Variants in CNTNAP2 observed in about 807,000 individuals in gnomAD.
CNTNAP2 encodes contactin-associated protein-like 2.
In CNTNAP2, 98 loss-of-function variants were observed where a neutral mutation model predicts 155.2. The ratio of observed to expected loss-of-function variants is 0.63; its 90% CI spans 0.54 to 0.75. The LOEUF (loss-of-function observed/expected upper bound fraction) is 0.75, where lower values mean the gene tolerates loss of function less well. CNTNAP2 is among the 30% of genes least tolerant of loss of function. The pLI, the probability that CNTNAP2 is intolerant of heterozygous loss-of-function variation, is 0.00. For missense variants in CNTNAP2, 1,727 were observed against 1,688.1 expected (o/e 1.02, Z -0.40); for synonymous variants, 651 against 631.2 (o/e 1.03, Z -0.47).
At chr7:148,175,181 A>T (rs1206527762) in intron 18 of CNTNAP2, among the ~76,000 whole-genome samples, 1 of 152,142 alleles carries the variant, frequency 6.6e-6, no homozygotes, top group Non-Finnish European at 1.5e-5. Flanking sequence ...GATGGTTCTA[A>T]GTCTTTGCTG....
At chr7:148,103,726 A>T (rs1804151171) in intron 15 of CNTNAP2, among the ~76,000 whole-genome samples, 1 of 152,202 alleles carries the variant, frequency 6.6e-6, no homozygotes. Flanking sequence ...AAATCAGAGC[A>T]TTCATTTCCG....
intron 13 of CNTNAP2, among the ~76,000 whole-genome samples, chr7:147,888,406 T>C (rs1392290554): frequency 1.3e-5 from 2 of 152,082 alleles, no homozygotes; most frequent in African/African-American, 2.4e-5. Context: ...TTCCCAGAAA[T>C]CTGCCCAGTG....
In CNTNAP2 at chr7:147,729,718, G is replaced by A. The variant is rs76695255; in HGVS notation, c.2098+90412G>A. Among the ~76,000 whole-genome samples the A allele has an allele frequency of 8.4e-3, 1,275 of 152,186 alleles. 18 individuals carry two copies. Among genetic ancestry groups the A allele is most frequent in the African/African-American group, 0.029 (1,209 of 41,528 alleles). ...AGATGGATTGTAGAAAATCATAGGT[G>A]CTGCTCTTTGTGAAGCAGGTTGTAC... is the stretch of plus-strand genomic sequence containing the variant. On this transcript the variant is annotated intron_variant, in intron 13 of 23. Coordinates refer to ENST00000361727, the MANE Select transcript of CNTNAP2 (RefSeq NM_014141.6).
intron 9 of CNTNAP2, among the ~76,000 whole-genome samples, chr7:147,367,086 G>T (rs1167210457): frequency 6.6e-6 from 1 of 152,104 alleles, no homozygotes; most frequent in South Asian, 2.1e-4. Context: ...GAGACCCGGT[G>T]TATACAAAAA....
intron 1 of CNTNAP2, among the ~76,000 whole-genome samples, chr7:146,442,131 A>G (rs1305313371): frequency 6.6e-6 from 1 of 151,608 alleles, no homozygotes; most frequent in African/African-American, 2.4e-5. Context: ...TCCAAAGAGT[A>G]TATATATTTC....
chr7:147,126,177 A>C (rs756107591), intron 6 of CNTNAP2, among the ~76,000 whole-genome samples: 4 of 152,180 alleles, frequency 2.6e-5, no homozygotes, highest in Non-Finnish European at 2.9e-5. Flanking sequence ...TGCCCAGCTG[A>C]AAAGCATTAT....
chr7:146,267,320 C>A (rs969171665), intron 1 of CNTNAP2, among the ~76,000 whole-genome samples: 2 of 152,038 alleles, frequency 1.3e-5, no homozygotes, highest in African/African-American at 4.8e-5. Flanking sequence ...ACAGAGATAG[C>A]CAATTGGAAG....
chr7:147,807,303 A>G (rs1798106078), intron 13 of CNTNAP2, among the ~76,000 whole-genome samples: 1 of 135,922 alleles, frequency 7.4e-6, no homozygotes, highest in African/African-American at 2.8e-5. Context: ...AGCCTGGATG[A>G]CAGAGCAGGT....
At chr7:146,968,223 T>C (rs1797700497) in intron 3 of CNTNAP2, among the ~76,000 whole-genome samples, 2 of 152,064 alleles carry the variant, frequency 1.3e-5, no homozygotes, top group Non-Finnish European at 2.9e-5. Context: ...AGTATTTTAT[T>C]GCGGATTTTT....
At position 148,225,247 on chromosome 7, in the gene CNTNAP2, GA is replaced by G. The variant is rs562188297; in HGVS notation, c.3248-4398del. ...CTAAGAACTGTTATGGGGAAAATATGAGGCAGAAAAGGGAGGGCCTGGCCAA... is the reference window on the plus strand; with the variant it reads ...CTAAGAACTGTTATGGGGAAAATATGGGCAGAAAAGGGAGGGCCTGGCCAA... On this transcript the variant is annotated intron_variant, in intron 19 of 23. Transcript: ENST00000361727. Among the ~76,000 whole-genome samples, 542 of 152,270 alleles carry G rather than the reference GA, an allele frequency of 3.6e-3. 11 individuals carry two copies. Among genetic ancestry groups the G allele is most frequent in the East Asian group, 1.7e-3 (9 of 5,180 alleles).
intron 1 of CNTNAP2, chr7:146,195,250 G>C (rs747742425): frequency 6.6e-6 from 1 of 152,128 alleles, no homozygotes; most frequent in South Asian, 2.1e-4. Context: ...GGAAAAAACG[G>C]TTTGCACTAA....
At position 146,445,201 on chromosome 7, in the gene CNTNAP2, G is replaced by T. The variant is rs139659705; in HGVS notation, c.97+328228G>T. ...GTGGCCAAAGTATAATGAGATTGTTGTAATAAATACTGCAGTAAATATTAT... is the reference window on the plus strand; with the variant it reads ...GTGGCCAAAGTATAATGAGATTGTTTTAATAAATACTGCAGTAAATATTAT... On this transcript the variant is annotated intron_variant, in intron 1 of 23. Coordinates refer to ENST00000361727, the MANE Select transcript of CNTNAP2 (RefSeq NM_014141.6). Among the ~76,000 whole-genome samples, 521 of 152,282 alleles carry T rather than the reference G, an allele frequency of 3.4e-3. 1 individual carries two copies. The highest frequency in any genetic ancestry group is 0.012 in the African/African-American group (495 of 41,550).
chr7:146,974,818 G>A (rs1797875949), intron 3 of CNTNAP2, among the ~76,000 whole-genome samples: 1 of 152,018 alleles, frequency 6.6e-6, no homozygotes, highest in African/African-American at 2.4e-5. Context: ...GGCCAACATG[G>A]TGAAATCCCA....
intron 9 of CNTNAP2, among the ~76,000 whole-genome samples, chr7:147,330,470 T>C (rs972457800): frequency 6.6e-6 from 1 of 152,146 alleles, no homozygotes; most frequent in Admixed American, 6.5e-5. Flanking sequence ...GAACCCAAGA[T>C]TTAAAGCTGG....
chr7:146,539,982 G>A (rs1797926958), intron 1 of CNTNAP2, among the ~76,000 whole-genome samples: 1 of 152,068 alleles, frequency 6.6e-6, no homozygotes, highest in African/African-American at 2.4e-5. Flanking sequence ...GAAAAGGGAA[G>A]TCAGAGGAGG....
intron 11 of CNTNAP2, among the ~76,000 whole-genome samples, chr7:147,517,820 TAGC>T (rs10595561): frequency 0.61 from 92,331 of 151,918 alleles, 29,959 homozygotes; most frequent in South Asian, 0.77. Context: ...AACAGTTTTT[TAGC>T]CAGTCATTTT....
chr7:147,915,943 C>T (rs1267834519), intron 14 of CNTNAP2, among the ~76,000 whole-genome samples: 1 of 152,156 alleles, frequency 6.6e-6, no homozygotes, highest in African/African-American at 2.4e-5. Flanking sequence ...GAAGTTGCCT[C>T]TTAACAGGAG....
intron 1 of CNTNAP2, among the ~76,000 whole-genome samples, chr7:146,480,280 G>A (rs934975238): frequency 1.4e-5 from 2 of 147,498 alleles, no homozygotes; most frequent in Non-Finnish European, 3.0e-5. Context: ...GAATGGAAAT[G>A]ATTGGATGCC....
chr7:148,409,820 G>A (rs1799787535), intron 23 of CNTNAP2, among the ~76,000 whole-genome samples: 1 of 96,044 alleles, frequency 1.0e-5, no homozygotes, highest in African/African-American at 4.6e-5. Context: ...GGGAGGCCGA[G>A]GCGGGCGGAT....
Sources: allele counts gnomAD v4.1 joint callset (sites outside exome capture counted in the v4.1 genomes callset), GRCh38; gene constraint gnomAD v4.1.1; transcripts MANE v1.5; gene names NCBI Gene and HGNC (gene_info 2026-07-23, HGNC 2026-07-21).